KCNN2: variants seen among roughly 807,000 people sequenced by gnomAD.
The protein encoded by KCNN2 is potassium calcium-activated channel subfamily N member 2.
A neutral mutation model predicts 55.5 loss-of-function variants in KCNN2; 24 were observed. The ratio of observed to expected loss-of-function variants is 0.43; its 90% CI spans 0.31 to 0.61. The LOEUF is 0.61. Among genes scored for constraint, KCNN2 ranks in the 20% least tolerant of loss-of-function variants. The pLI is 0.08. For synonymous variants in KCNN2, 431 were observed against 336.1 expected (o/e 1.28, Z -3.09); for missense variants, 754 against 853.6 (o/e 0.88, Z 1.45).
At chr5:114,476,823 G>A (rs1225466460) in intron 5 of KCNN2, among the ~76,000 whole-genome samples, 1 of 151,938 alleles carries the variant, frequency 6.6e-6, no homozygotes, top group Non-Finnish European at 1.5e-5. Flanking sequence ...ACCCATTCCT[G>A]TATTATATAT....
At chr5:114,212,708 A>G (rs1353216251) in intron 1 of KCNN2, among the ~76,000 whole-genome samples, 1 of 152,004 alleles carries the variant, frequency 6.6e-6, no homozygotes, top group Non-Finnish European at 1.5e-5. Flanking sequence ...ACATCCGTGT[A>G]AGAACAGGTG....
At chr5:114,195,279 A>G (rs1025786484) in intron 1 of KCNN2, among the ~76,000 whole-genome samples, 3 of 151,426 alleles carry the variant, frequency 2.0e-5, no homozygotes, top group Non-Finnish European at 4.4e-5. Flanking sequence ...CGATTTGAGT[A>G]GTATTGCCAA....
intron 1 of KCNN2, among the ~76,000 whole-genome samples, chr5:114,201,936 A>T (rs571043030): frequency 6.8e-6 from 1 of 147,832 alleles, no homozygotes; most frequent in Non-Finnish European, 1.5e-5. Context: ...TGCCTTGGGT[A>T]TGTTACCAGA....
intron 4 of KCNN2, among the ~76,000 whole-genome samples, chr5:114,468,287 A>ATTG (rs1761549259): frequency 6.6e-6 from 1 of 152,080 alleles, no homozygotes; most frequent in South Asian, 2.1e-4. Context: ...GCCAGAATTG[A>ATTG]TTGTTTCACA....
chr5:114,475,703 A>G (rs1761933783), intron 5 of KCNN2, among the ~76,000 whole-genome samples: 2 of 152,044 alleles, frequency 1.3e-5, no homozygotes, highest in Admixed American at 1.3e-4. Flanking sequence ...TGGCAGAAAA[A>G]TGCACGTGTG....
At chr5:114,347,608 T>A (rs1197084614) in intron 2 of KCNN2, among the ~76,000 whole-genome samples, 1 of 152,232 alleles carries the variant, frequency 6.6e-6, no homozygotes, top group Non-Finnish European at 1.5e-5. Flanking sequence ...AATTTATCTT[T>A]GGGAACAAAG....
At position 114,465,702 on chromosome 5, in the gene KCNN2, G is replaced by A. The variant is rs150193563; in HGVS notation, c.1779+2512G>A. ...ATGTAATGGAATTTATGGTGACTTC[G>A]TTCCAGCCCTTAAGCTTATGGTAAA... On this transcript the variant is annotated intron_variant, in intron 4 of 7. Coordinates refer to ENST00000673685, the MANE Select transcript of KCNN2 (RefSeq NM_021614.4). 4.0e-3 allele frequency among the ~76,000 whole-genome samples: 612 copies of A among 152,080 alleles called. 4 individuals carry two copies. Among genetic ancestry groups the A allele is most frequent in the Non-Finnish European group, 5.7e-3 (386 of 67,984 alleles).
chr5:114,310,853 A>G (rs1326269842), intron 2 of KCNN2, among the ~76,000 whole-genome samples: 1 of 152,172 alleles, frequency 6.6e-6, no homozygotes, highest in Admixed American at 6.6e-5. Flanking sequence ...TTCTGTTTTT[A>G]AAAAGCAAAA....
At chr5:114,201,052 G>A (rs147898719) in intron 1 of KCNN2, among the ~76,000 whole-genome samples, 37 of 152,068 alleles carry the variant, frequency 2.4e-4, no homozygotes, top group Admixed American at 1.1e-3. Flanking sequence ...TGTGTGAGTG[G>A]GTTCTTAGGC....
chr5:114,360,139 A>C (rs1220867241), upstream of KCNN2, among the ~76,000 whole-genome samples: 1 of 152,102 alleles, frequency 6.6e-6, no homozygotes, highest in Non-Finnish European at 1.5e-5. Context: ...GGACAGTATT[A>C]ATTAGCTCAA....
At chr5:114,065,846 GTTTTTTTTTTTTTTTTTT>G (rs56127808) in intron 1 of KCNN2, among the ~76,000 whole-genome samples, 1 of 45,196 alleles carries the variant, frequency 2.2e-5, no homozygotes, top group Non-Finnish European at 3.8e-5. Flanking sequence ...TCCTATGCAG[GTTTTTTTTTTTTTTTTTT>G]TTTTTTTTTT....
chr5:114,113,723 A>G (rs1202246895), intron 1 of KCNN2, among the ~76,000 whole-genome samples: 1 of 152,018 alleles, frequency 6.6e-6, no homozygotes, highest in Non-Finnish European at 1.5e-5. Flanking sequence ...TATATGGGAG[A>G]ATCTAATGGA....
chr5:114,329,773 G>A (rs1682971253), intron 2 of KCNN2, among the ~76,000 whole-genome samples: 1 of 152,084 alleles, frequency 6.6e-6, no homozygotes, highest in Admixed American at 6.5e-5. Flanking sequence ...AATACACCCA[G>A]CTCCCTCAAG....
intron 3 of KCNN2, among the ~76,000 whole-genome samples, chr5:114,437,857 AAAT>A (rs1429621798): frequency 1.3e-5 from 2 of 152,108 alleles, no homozygotes; most frequent in African/African-American, 4.8e-5. Context: ...GATCGTCAGT[AAAT>A]TTGTTTTTGG....
intron 2 of KCNN2, among the ~76,000 whole-genome samples, chr5:114,305,044 T>C (rs1756240652): frequency 1.3e-5 from 2 of 152,208 alleles, no homozygotes; most frequent in African/African-American, 4.8e-5. Flanking sequence ...AACCACACAA[T>C]AATTTGAACA....
intron 2 of KCNN2, among the ~76,000 whole-genome samples, chr5:114,221,815 T>C (rs1443359834): frequency 6.6e-6 from 1 of 152,202 alleles, no homozygotes; most frequent in Non-Finnish European, 1.5e-5. Context: ...CAAATGTATT[T>C]TCATTTGAAT....
At chr5:114,373,658 A>ATATATATATATATATAT (rs1554084191) in intron 2 of KCNN2, among the ~76,000 whole-genome samples, 109 of 104,346 alleles carry the variant, frequency 1.0e-3, no homozygotes, top group East Asian at 2.3e-3. Context: ...ATATATATAT[A>ATATATATATATATATAT]AAATTACTTG....
chr5:114,089,354 A>G (rs1751088066), intron 1 of KCNN2, among the ~76,000 whole-genome samples: 1 of 152,136 alleles, frequency 6.6e-6, no homozygotes, highest in African/African-American at 2.4e-5. Flanking sequence ...TCCTATTCCT[A>G]AGATAAATGT....
Position 114,363,009 on chromosome 5 carries a change from C to T in KCNN2, c.870C>T (p.Asn290=), listed in dbSNP as rs371565079. The part of the protein sequence containing the change: ...VSKPEHNNSN[N]LALYGTGGGG... ...AGCCCGAGCACAACAACTCCAACAA[C>T]CTGGCGCTCTATGGAACCGGCGGCG... is the stretch of plus-strand genomic sequence containing the variant. The change falls in exon 1 of 8, where the codon AAC becomes AAT. Residue 290 remains asparagine, a synonymous_variant. Coordinates refer to ENST00000673685, the MANE Select transcript of KCNN2 (RefSeq NM_021614.4). The T allele has an allele frequency of 7.5e-6, 12 of 1,598,576 alleles. No homozygotes were observed. In the African/African-American group the frequency reaches 1.3e-4, roughly 18 times the overall value.
Sources: gnomAD v4.1 joint callset for allele counts (sites outside exome capture counted in the v4.1 genomes callset) on GRCh38, gnomAD v4.1.1 for gene constraint, MANE v1.5 for transcripts, NCBI Gene and HGNC (gene_info 2026-07-23, HGNC 2026-07-21) for gene names.